The following UBR2 variants were observed in gnomAD, a reference collection of about 807,000 sequenced individuals.
The protein encoded by UBR2 is E3 ubiquitin-protein ligase UBR2.
In UBR2, 92 loss-of-function variants were observed where a neutral mutation model predicts 247.9. That is an observed-to-expected ratio of 0.37 (90% CI 0.31 to 0.44). The LOEUF is 0.44. Ranked by LOEUF, UBR2 falls within the 20% of genes least tolerant of loss-of-function variation. The probability of loss-of-function intolerance (pLI) is 1.00; values close to 1 mark genes in which losing one functional copy is unlikely to be tolerated. For missense variants in UBR2, 1,613 were observed against 2,112.6 expected, an observed-to-expected ratio of 0.76 and a Z score of 4.64; for synonymous variants, 672 against 693.5, an observed-to-expected ratio of 0.97 and a Z score of 0.49.
At chr6:42,603,550 T>A (rs1267215028) in intron 4 of UBR2, 38 bp from the exon 5 acceptor site, 1 of 1,498,504 alleles carries the variant, frequency 6.7e-7, no homozygotes, top group East Asian at 2.5e-5. Context: ...ATGATTGCCC[T>A]TTTTTTCTTT....
chr6:42,674,223 T>C lies in UBR2; in HGVS notation c.4251+30T>C, dbSNP rs371407365. On this transcript the variant is annotated intron_variant, in intron 38 of 46. Transcript: ENST00000372901. Reference sequence around the variant, plus strand: ...GTATTGTGCAGTTTGTTTGGACTTCTACGTCATACTATGTAACTTTACCTT... The same window carrying C: ...GTATTGTGCAGTTTGTTTGGACTTCCACGTCATACTATGTAACTTTACCTT... 47 of 1,601,300 alleles carry C rather than the reference T, an allele frequency of 2.9e-5. No homozygotes were observed. The Admixed American group carries it at 5.1e-4, about 17-fold the overall frequency.
Position 42,676,122 on chromosome 6 carries a change from G to T in UBR2, c.4318G>T (p.Gly1440Ter). The change falls in exon 39 of 47, where the codon GGA (glycine) becomes TGA (stop). Residue 1440 changes from glycine to a stop codon, truncating the protein, a stop_gained. Coordinates refer to ENST00000372901, the MANE Select transcript of UBR2 (RefSeq NM_001363705.2). LOFTEE classifies it high-confidence loss of function. The part of the protein sequence containing the change: ...QDFSGISLGT[G>*]DLHIFHLVTM... Reference sequence around the variant, plus strand: ...TTTTTCAGGGATCAGCCTTGGCACTGGAGACCTTCACATTTTCCATCTGGT... The same window carrying T: ...TTTTTCAGGGATCAGCCTTGGCACTTGAGACCTTCACATTTTCCATCTGGT... 1.2e-6 allele frequency: 2 copies of T among 1,613,672 alleles called. No homozygotes were observed. The highest frequency in any genetic ancestry group is 1.7e-6 in the Non-Finnish European group (2 of 1,179,940).
At chr6:42,629,232 G>T (rs1379780498) in intron 11 of UBR2, among the ~76,000 whole-genome samples, 1 of 152,036 alleles carries the variant, frequency 6.6e-6, no homozygotes, top group Non-Finnish European at 1.5e-5. Context: ...GGCCAGACAG[G>T]TCTGGAACTC....
chr6:42,613,419 T>C (rs1349473735), intron 8 of UBR2, among the ~76,000 whole-genome samples: 1 of 152,208 alleles, frequency 6.6e-6, no homozygotes, highest in Admixed American at 6.5e-5. Flanking sequence ...CTTTAAAAGA[T>C]AATTTAAAAG....
chr6:42,571,823 C>T (rs1791165348), intron 1 of UBR2, among the ~76,000 whole-genome samples: 2 of 150,048 alleles, frequency 1.3e-5, no homozygotes, highest in African/African-American at 4.9e-5. Flanking sequence ...AAAAATGAGA[C>T]ATTTACCTTT....
chr6:42,640,056 A>G (rs917208672), intron 15 of UBR2, among the ~76,000 whole-genome samples, 153 bp from the exon 16 acceptor site: 1 of 152,248 alleles, frequency 6.6e-6, no homozygotes, highest in African/African-American at 2.4e-5. Context: ...TAAGCCTCTT[A>G]TGAATATAGA....
At chr6:42,582,841 A>G (rs1161338178) in intron 2 of UBR2, among the ~76,000 whole-genome samples, 2 of 151,976 alleles carry the variant, frequency 1.3e-5, no homozygotes, top group Non-Finnish European at 2.9e-5. Flanking sequence ...ATCTCATTAT[A>G]GTTCTTTTTT....
At chr6:42,591,176 C>T (rs1463708612) in intron 2 of UBR2, among the ~76,000 whole-genome samples, 2 of 152,272 alleles carry the variant, frequency 1.3e-5, no homozygotes, top group Admixed American at 6.5e-5. Context: ...TGCTTGAGTC[C>T]AAGAGGTTGA....
intron 2 of UBR2, among the ~76,000 whole-genome samples, chr6:42,582,832 T>C (rs572166769): frequency 2.4e-4 from 37 of 152,272 alleles, no homozygotes; most frequent in South Asian, 6.2e-4. Flanking sequence ...TTTAATGATA[T>C]CTCATTATAG....
In UBR2 at chr6:42,669,603, G is replaced by GATA. The variant is rs539549854; in HGVS notation, c.3882-487_3882-485dup. Among the ~76,000 whole-genome samples the GATA allele has an allele frequency of 1.3e-3, 195 of 152,118 alleles. 2 individuals are homozygous for GATA. Among genetic ancestry groups the GATA allele is most frequent in the African/African-American group, 4.1e-3 (170 of 41,480 alleles). The stretch of plus-strand genomic sequence containing the variant: ...TTCCTTAAATGTTTATTAGTCCTTG[G>GATA]ATAACTATTTAAGCATAAGGCAATG... On this transcript the variant is annotated intron_variant, in intron 34 of 46. Transcript: ENST00000372901.
chr6:42,664,452 A>G (rs1335268306), intron 32 of UBR2, among the ~76,000 whole-genome samples: 2 of 152,230 alleles, frequency 1.3e-5, no homozygotes, highest in African/African-American at 2.4e-5. Context: ...GAATTATGCT[A>G]TCTACGTTGC....
chr6:42,638,418 A>G (rs1469128343), intron 15 of UBR2, among the ~76,000 whole-genome samples: 2 of 151,994 alleles, frequency 1.3e-5, no homozygotes, highest in South Asian at 2.1e-4. Context: ...GACCCTTGCC[A>G]TGGGTATATT....
intron 42 of UBR2, among the ~76,000 whole-genome samples, chr6:42,680,606 C>T (rs1798983687): frequency 6.6e-6 from 1 of 152,126 alleles, no homozygotes; most frequent in Non-Finnish European, 1.5e-5. Context: ...GCTGAAAGAA[C>T]CCTTAAGGCT....
intron 11 of UBR2, among the ~76,000 whole-genome samples, chr6:42,623,175 CTT>C (rs1233467919): frequency 6.6e-6 from 1 of 152,078 alleles, no homozygotes; most frequent in African/African-American, 2.4e-5. Context: ...AGGGGGAAAA[CTT>C]TTAATATTTT....
chr6:42,608,110 G>A (rs541879100), intron 7 of UBR2, among the ~76,000 whole-genome samples: 40 of 151,950 alleles, frequency 2.6e-4, no homozygotes, highest in African/African-American at 7.5e-4. Flanking sequence ...GCATTATTTT[G>A]TCTCCTTTTT....
At chr6:42,624,402 C>G (rs1795204546) in intron 11 of UBR2, among the ~76,000 whole-genome samples, 1 of 151,796 alleles carries the variant, frequency 6.6e-6, no homozygotes, top group South Asian at 2.1e-4. Context: ...ATCCTTCCAC[C>G]TCGGCCTACC....
At position 42,603,692 on chromosome 6, in the gene UBR2, T is replaced by C. The variant is rs1793527571; in HGVS notation, c.636T>C (p.Ser212=). Residue 212 remains serine, a synonymous_variant, in exon 5 of 47, where the codon AGT becomes AGC. Transcript: ENST00000372901. ...AAATATTAACCTGGGAAAAAGAAAG[T>C]GAATTGCCAGCAGATTTAGAGATGG... is the stretch of plus-strand genomic sequence containing the variant. The part of the protein sequence containing the change: ...AVEILTWEKE[S]ELPADLEMVE... 2.5e-6 allele frequency: 4 copies of C among 1,599,120 alleles called. No individual in the cohort carries two copies. Among genetic ancestry groups the C allele is most frequent in the Non-Finnish European group, 3.4e-6 (4 of 1,176,734 alleles).
At chr6:42,588,073 C>T (rs1792409694) in intron 2 of UBR2, among the ~76,000 whole-genome samples, 1 of 152,184 alleles carries the variant, frequency 6.6e-6, no homozygotes, top group Non-Finnish European at 1.5e-5. Context: ...GCTAAGAGCT[C>T]AGTTTCACAA....
At position 42,564,239 on chromosome 6, in the gene UBR2, G is replaced by A; in HGVS notation, c.-81G>A. ...CCGGGACTGATTGCCTGGGGCAGGG[G>A]TGGCAGTCGAGGCCGCCGGGGCCGA... On this transcript the variant is annotated 5_prime_UTR_variant, in exon 1 of 47. In the 5' UTR this introduces an upstream ATG that the reference lacks. Coordinates refer to ENST00000372901, the MANE Select transcript of UBR2 (RefSeq NM_001363705.2). 1 of 1,508,272 alleles carries A rather than the reference G, an allele frequency of 6.6e-7. No individual in the cohort carries two copies. The highest frequency in any genetic ancestry group is 9.0e-7 in the Non-Finnish European group (1 of 1,108,016). 93.4% of individuals were successfully genotyped at this position (1,508,272 alleles called of 1,614,324 possible).
Sources: gnomAD v4.1 joint callset for allele counts (sites outside exome capture counted in the v4.1 genomes callset) on GRCh38, gnomAD v4.1.1 for gene constraint, MANE v1.5 for transcripts, NCBI Gene and HGNC (gene_info 2026-07-23, HGNC 2026-07-21) for gene names.